Variants in RABGEF1 observed in about 807,000 individuals in gnomAD.
The protein encoded by RABGEF1 is RAB guanine nucleotide exchange factor 1, also known as rab5 GDP/GTP exchange factor.
A neutral mutation model predicts 57.3 loss-of-function variants in RABGEF1; 26 were observed. That is an observed-to-expected ratio of 0.45 (90% CI 0.33 to 0.63). RABGEF1 has a LOEUF of 0.63. RABGEF1 is among the 20% of genes least tolerant of loss of function. RABGEF1 has a pLI of 0.02. For synonymous variants in RABGEF1, 185 were observed against 210.7 expected (o/e 0.88, Z 1.06); for missense variants, 464 against 607.6 (o/e 0.76, Z 2.48).
upstream of RABGEF1, among the ~76,000 whole-genome samples, chr7:66,681,824 C>G (rs1199958785): frequency 5.9e-5 from 9 of 152,222 alleles, no homozygotes; most frequent in Admixed American, 2.6e-4. Flanking sequence ...ACCGTGGCCT[C>G]GGCTCCAGGA....
At position 66,797,433 on chromosome 7, in the gene RABGEF1, C is replaced by T. The variant is rs1339863462; in HGVS notation, c.655C>T (p.Leu219Phe). ...GATTGAAAAGTACATCATGACTCGTCTCTATAAATATGTATTCTGTCCAGA... is the reference window on the plus strand; with the variant it reads ...GATTGAAAAGTACATCATGACTCGTTTCTATAAATATGTATTCTGTCCAGA... ...DQIEKYIMTRLYKYVFCPETT... is the reference protein window; with the variant it reads ...DQIEKYIMTRFYKYVFCPETT... The change falls in exon 6 of 9, where the codon CTC becomes TTC. Residue 219 changes from leucine (L) to phenylalanine (F), a missense_variant. Transcript: ENST00000284957. 41 of 1,611,598 alleles carry T rather than the reference C, an allele frequency of 2.5e-5. No individual in the cohort carries two copies. Among genetic ancestry groups the T allele is most frequent in the Non-Finnish European group, 3.3e-5 (39 of 1,179,688 alleles).
the RABGEF1 span, chr7:66,665,332 T>TG: frequency 2.0e-5 from 3 of 146,544 alleles, no homozygotes; most frequent in Non-Finnish European, 4.5e-5. Flanking sequence ...TTTGTAGAGG[T>TG]GGGGTCTCCC....
At chr7:66,799,154 G>A (rs1786708562) in intron 6 of RABGEF1, among the ~76,000 whole-genome samples, 169 bp from the exon 7 acceptor site, 2 of 152,206 alleles carry the variant, frequency 1.3e-5, no homozygotes, top group South Asian at 4.1e-4. Flanking sequence ...TAGGATCCTA[G>A]CTGCTTCATC....
At chr7:66,716,161 T>C (rs1293393847) in intron 2 of RABGEF1, among the ~76,000 whole-genome samples, 2 of 152,240 alleles carry the variant, frequency 1.3e-5, no homozygotes, top group East Asian at 3.8e-4. Context: ...TACCATTATG[T>C]AATGTCCCTC....
At chr7:66,662,553 G>A in the RABGEF1 span, among the ~76,000 whole-genome samples, 2 of 152,216 alleles carry the variant, frequency 1.3e-5, no homozygotes, top group Non-Finnish European at 2.9e-5. Context: ...TGTGCTGGAA[G>A]GTAGAGACAG....
rs1256969195 is a variant in RABGEF1 at position 66,775,207 on chromosome 7, A to T, written c.180-20A>T. The T allele has an allele frequency of 3.7e-6, 6 of 1,601,994 alleles. No homozygotes were observed. The East Asian group carries it at 1.3e-4, about 36-fold the overall frequency. ...CCTTGGAGAATATCTAGGTCATTCTAATCCTCTCTTGAATTGCAGACTCCA... is the reference window on the plus strand; with the variant it reads ...CCTTGGAGAATATCTAGGTCATTCTTATCCTCTCTTGAATTGCAGACTCCA... On this transcript the variant is annotated intron_variant, in intron 2 of 8. Transcript: ENST00000284957.
intron 1 of RABGEF1, among the ~76,000 whole-genome samples, chr7:66,689,568 C>T (rs905928916): frequency 1.3e-5 from 2 of 151,952 alleles, no homozygotes; most frequent in Non-Finnish European, 2.9e-5. Context: ...TTTGGGAGGC[C>T]GAGGTGGGCA....
the RABGEF1 span, among the ~76,000 whole-genome samples, chr7:66,662,642 G>A: frequency 6.6e-6 from 1 of 152,274 alleles, no homozygotes; most frequent in African/African-American, 2.4e-5. Context: ...TGGAGGGAGG[G>A]ATCATTCTAG....
chr7:66,688,279 A>G (rs1791009398), intron 1 of RABGEF1, among the ~76,000 whole-genome samples: 1 of 152,152 alleles, frequency 6.6e-6, no homozygotes, highest in Non-Finnish European at 1.5e-5. Context: ...CATATGAAGC[A>G]AGAAAGGGTA....
chr7:66,729,377 A>C (rs1797038116), intron 2 of RABGEF1, among the ~76,000 whole-genome samples: 16 of 7,118 alleles, frequency 2.2e-3, no homozygotes, highest in East Asian at 6.0e-3. Context: ...TTCCATTCTC[A>C]CTCTCTTCTC....
At position 66,720,355 on chromosome 7, in the gene RABGEF1, G is replaced by A. The variant is rs192024871; in HGVS notation, c.-815+8131G>A. Among the ~76,000 whole-genome samples, 163 of 151,172 alleles carry A rather than the reference G, an allele frequency of 1.1e-3. 1 individual carries two copies. The highest frequency in any genetic ancestry group is 3.7e-3 in the African/African-American group (154 of 41,204). On this transcript the variant is annotated intron_variant and NMD_transcript_variant, in intron 2 of 9. Coordinates refer to the RABGEF1 transcript ENST00000607882. The stretch of plus-strand genomic sequence containing the variant: ...TAGGACTACAGGCATGCACCACCAC[G>A]CCCAACTAATTTTTGTATTTTTAGT...
upstream of RABGEF1, among the ~76,000 whole-genome samples, chr7:66,739,268 CTG>C (rs1326434681): frequency 6.6e-6 from 1 of 151,782 alleles, no homozygotes; most frequent in Non-Finnish European, 1.5e-5. Context: ...GTTTTATACT[CTG>C]TTGTACCCTC....
chr7:66,705,708 T>G (rs1463465609), intron 1 of RABGEF1, among the ~76,000 whole-genome samples: 2 of 149,082 alleles, frequency 1.3e-5, no homozygotes, highest in Admixed American at 6.7e-5. Flanking sequence ...TTTTTTTTTG[T>G]TTTTTTTTGT....
At chr7:66,743,627 G>A (rs1799517749) in intron 1 of RABGEF1, among the ~76,000 whole-genome samples, 1 of 152,060 alleles carries the variant, frequency 6.6e-6, no homozygotes, top group Admixed American at 6.5e-5. Flanking sequence ...TCAGCCTCCT[G>A]AATAGCTGGG....
chr7:66,786,355 A>G (rs988166811), intron 4 of RABGEF1, among the ~76,000 whole-genome samples: 2 of 152,234 alleles, frequency 1.3e-5, no homozygotes, highest in African/African-American at 2.4e-5. Context: ...GCAGTATGGC[A>G]GTATAATGCT....
chr7:66,711,094 A>C (rs1176131237), intron 1 of RABGEF1, among the ~76,000 whole-genome samples: 1 of 152,212 alleles, frequency 6.6e-6, no homozygotes, highest in Non-Finnish European at 1.5e-5. Context: ...CAGGAAGTTG[A>C]GGCTGCAGTG....
At chr7:66,675,447 C>CA in the RABGEF1 span, among the ~76,000 whole-genome samples, 482 of 151,288 alleles carry the variant, frequency 3.2e-3, 7 homozygotes, top group Non-Finnish European at 5.2e-3. Flanking sequence ...AAGAAACAAA[C>CA]AAAAAAAACC....
Position 66,698,926 on chromosome 7 carries a change from G to A in RABGEF1, c.-872-13241G>A, listed in dbSNP as rs368294154. Among the ~76,000 whole-genome samples, 54 of 152,342 alleles carry A rather than the reference G, an allele frequency of 3.5e-4. No individual in the cohort carries two copies. The South Asian group carries it at 7.9e-3, about 22-fold the overall frequency. ...TTCCATGGTGTGCTCTTTCCCCTTG[G>A]CTGGTCACAAGTAACTCCGGTGACT... On this transcript the variant is annotated intron_variant and NMD_transcript_variant, in intron 1 of 9. Coordinates refer to the RABGEF1 transcript ENST00000607882.
At chr7:66,788,832 G>A (rs893290281) in intron 4 of RABGEF1, among the ~76,000 whole-genome samples, 3 of 152,104 alleles carry the variant, frequency 2.0e-5, no homozygotes, top group African/African-American at 4.8e-5. Flanking sequence ...GCGGGTGCCT[G>A]TAATCCCAGC....
Sources: gnomAD v4.1 joint callset for allele counts (sites outside exome capture counted in the v4.1 genomes callset) on GRCh38, gnomAD v4.1.1 for gene constraint, MANE v1.5 for transcripts, NCBI Gene and HGNC (gene_info 2026-07-23, HGNC 2026-07-21) for gene names.